The following CEP85L variants were observed in gnomAD, a reference collection of about 807,000 sequenced individuals.
The protein encoded by CEP85L is centrosomal protein of 85 kDa-like.
CEP85L carries 60 observed loss-of-function variants against 100.3 expected under a neutral mutation model. The observed-to-expected ratio is 0.60, with a 90% CI of 0.49 to 0.74. CEP85L has a LOEUF of 0.74. CEP85L is among the 30% of genes least tolerant of loss of function. The probability of loss-of-function intolerance (pLI) is 0.00; values close to 1 mark genes in which losing one functional copy is unlikely to be tolerated. For synonymous variants in CEP85L, 319 were observed against 322.7 expected, an observed-to-expected ratio of 0.99 and a Z score of 0.12; for missense variants, 973 against 936.2, an observed-to-expected ratio of 1.04 and a Z score of -0.51.
At chr6:118,546,806 A>G (rs1180264535) in intron 3 of CEP85L, among the ~76,000 whole-genome samples, 1 of 152,158 alleles carries the variant, frequency 6.6e-6, no homozygotes, top group Non-Finnish European at 1.5e-5. Context: ...ATTGAAAGAA[A>G]AATGGTTGTA....
intron 2 of CEP85L, among the ~76,000 whole-genome samples, chr6:118,601,016 G>C (rs949940097): frequency 1.3e-5 from 2 of 152,108 alleles, no homozygotes; most frequent in African/African-American, 4.8e-5. Flanking sequence ...TTCACTAAAC[G>C]ATGTTGCAGT....
chr6:118,651,001 C>T (rs1311573732), intron 1 of CEP85L, among the ~76,000 whole-genome samples, 196 bp downstream of exon 1: 1 of 152,140 alleles, frequency 6.6e-6, no homozygotes, highest in African/African-American at 2.4e-5. Context: ...GGATGCGGGG[C>T]TGATGCGCCT....
chr6:118,486,491 T>C (rs546291258), intron 6 of CEP85L, among the ~76,000 whole-genome samples: 25 of 152,220 alleles, frequency 1.6e-4, no homozygotes, highest in Non-Finnish European at 3.2e-4. Context: ...GTTTTTTCTG[T>C]CATAGAATCA....
chr6:118,640,072 C>A (rs1774762437), intron 1 of CEP85L, among the ~76,000 whole-genome samples: 1 of 151,644 alleles, frequency 6.6e-6, no homozygotes, highest in African/African-American at 2.4e-5. Context: ...AAACAGTCTC[C>A]AATAGGTTAA....
At chr6:118,604,499 T>C (rs759240185) in intron 2 of CEP85L, among the ~76,000 whole-genome samples, 1 of 152,254 alleles carries the variant, frequency 6.6e-6, no homozygotes, top group Non-Finnish European at 1.5e-5. Flanking sequence ...TTATAATCTT[T>C]TACCAAAAGT....
intron 3 of CEP85L, among the ~76,000 whole-genome samples, chr6:118,544,847 T>A (rs1001588216): frequency 9.2e-5 from 14 of 152,206 alleles, no homozygotes; most frequent in African/African-American, 3.4e-4. Flanking sequence ...TATTTTCTTT[T>A]CCCTATTGCC....
At chr6:118,573,336 A>G (rs1019769280) in intron 2 of CEP85L, among the ~76,000 whole-genome samples, 1 of 152,256 alleles carries the variant, frequency 6.6e-6, no homozygotes, top group African/African-American at 2.4e-5. Context: ...CAGGGAAACT[A>G]AACTGTCTTT....
upstream of CEP85L, among the ~76,000 whole-genome samples, chr6:118,654,513 A>G (rs1183576219): frequency 3.3e-5 from 5 of 152,364 alleles, no homozygotes; most frequent in South Asian, 8.3e-4. Flanking sequence ...CAATTCTTGT[A>G]TATCAAGTGT....
At chr6:118,606,111 CAAG>C (rs1175650478) in intron 2 of CEP85L, among the ~76,000 whole-genome samples, 2 of 151,612 alleles carry the variant, frequency 1.3e-5, no homozygotes, top group Middle Eastern at 6.8e-3. Flanking sequence ...AAACAAGTTC[CAAG>C]AAGAGAAAAA....
chr6:118,530,385 G>GAAA (rs59307210), intron 3 of CEP85L, among the ~76,000 whole-genome samples: 1,552 of 128,248 alleles, frequency 0.012, 37 homozygotes, highest in African/African-American at 0.041. Context: ...GCCATGTATG[G>GAAA]AAAAAAAAAA....
At chr6:118,698,514 G>A (rs374639102) in intron 1 of CEP85L, among the ~76,000 whole-genome samples, 1 of 147,450 alleles carries the variant, frequency 6.8e-6, no homozygotes. Flanking sequence ...TACTTCTGAT[G>A]TGCTTTCTGT....
At chr6:118,620,961 AC>A (rs1773402527) in intron 2 of CEP85L, among the ~76,000 whole-genome samples, 1 of 152,022 alleles carries the variant, frequency 6.6e-6, no homozygotes, top group Non-Finnish European at 1.5e-5. Flanking sequence ...GGGACAAATT[AC>A]CCATTTGTTG....
At chr6:118,690,504 C>T (rs888054745) in intron 1 of CEP85L, among the ~76,000 whole-genome samples, 8 of 121,342 alleles carry the variant, frequency 6.6e-5, no homozygotes, top group Admixed American at 3.4e-4. Flanking sequence ...GCTCAATCAC[C>T]GCACTCCACC....
chr6:118,518,872 C>T (rs1776444413), intron 4 of CEP85L, among the ~76,000 whole-genome samples: 1 of 152,148 alleles, frequency 6.6e-6, no homozygotes, highest in Non-Finnish European at 1.5e-5. Flanking sequence ...GCATTTAGTG[C>T]CAGAAATTTC....
At chr6:118,499,000 T>C (rs773743011) in intron 5 of CEP85L, among the ~76,000 whole-genome samples, 1 of 152,244 alleles carries the variant, frequency 6.6e-6, no homozygotes, top group Admixed American at 6.5e-5. Flanking sequence ...AACACACTTC[T>C]ACATAATACA....
intron 2 of CEP85L, among the ~76,000 whole-genome samples, chr6:118,626,285 C>G (rs1009451372): frequency 6.6e-6 from 1 of 152,196 alleles, no homozygotes; most frequent in African/African-American, 2.4e-5. Flanking sequence ...AAGCTATAAA[C>G]AGCGAGAATT....
chr6:118,474,581 A>C (rs1254474508), intron 10 of CEP85L, among the ~76,000 whole-genome samples: 1 of 152,124 alleles, frequency 6.6e-6, no homozygotes, highest in Non-Finnish European at 1.5e-5. Flanking sequence ...ACGCTGGGAG[A>C]GGCAAGTCAA....
chr6:118,652,757 A>T, upstream of CEP85L: 1 of 1,539,914 alleles, frequency 6.5e-7, no homozygotes, highest in Non-Finnish European at 8.8e-7. Flanking sequence ...CCTGTGGTAG[A>T]CTTCCAATTA....
intron 1 of CEP85L, among the ~76,000 whole-genome samples, chr6:118,638,924 C>T (rs1774690521): frequency 6.6e-6 from 1 of 152,056 alleles, no homozygotes; most frequent in African/African-American, 2.4e-5. Context: ...ATATATGTAA[C>T]TGCACTGAGA....
Sources: gnomAD v4.1 joint callset for allele counts (sites outside exome capture counted in the v4.1 genomes callset) on GRCh38, gnomAD v4.1.1 for gene constraint, MANE v1.5 for transcripts, NCBI Gene and HGNC (gene_info 2026-07-23, HGNC 2026-07-21) for gene names.